The following ADAMTS15 variants were observed in gnomAD, a reference collection of about 807,000 sequenced individuals.
ADAMTS15 encodes ADAM metallopeptidase with thrombospondin type 1 motif 15.
A neutral mutation model predicts 79.1 loss-of-function variants in ADAMTS15; 35 were observed. The observed-to-expected ratio is 0.44, with a 90% CI of 0.34 to 0.59. ADAMTS15 has a LOEUF of 0.59. ADAMTS15 is among the 20% of genes least tolerant of loss of function. ADAMTS15 has a pLI of 0.02. For synonymous variants in ADAMTS15, 616 were observed against 567.3 expected, an observed-to-expected ratio of 1.09 and a Z score of -1.22; for missense variants, 1,324 against 1,318.7, an observed-to-expected ratio of 1.00 and a Z score of -0.06.
In ADAMTS15 at chr11:130,449,265, C is replaced by T. The variant is rs1163050171; in HGVS notation, c.292C>T (p.Leu98=). The T allele has an allele frequency of 6.2e-7, 1 of 1,612,946 alleles. No individual in the cohort carries two copies. The highest frequency in any genetic ancestry group is 8.5e-7 in the Non-Finnish European group (1 of 1,180,028). ...GGGGCTCACCGGGGGCTCTTCAGAC[C>T]TGCGACGCTGCTTCTATTCTGGGGA... ...LQGLTGGSSD[L]RRCFYSGDVN... The change falls in exon 1 of 8, where the codon CTG becomes TTG. Residue 98 remains leucine (L), a synonymous_variant. Coordinates refer to ENST00000299164, the MANE Select transcript of ADAMTS15 (RefSeq NM_139055.4). The surrounding 1 kb of genome is among the most constrained non-coding windows in gnomAD (Gnocchi z 7.8).
chr11:130,471,437 T>A lies in ADAMTS15; in HGVS notation c.2078+54T>A, dbSNP rs1014438235. On this transcript the variant is annotated intron_variant, in intron 7 of 7. Transcript: ENST00000299164. Reference sequence around the variant, plus strand: ...AGGGAGCAAAGGGAGGGAGGTGGAGTTTCCCAGGGTATTGGAAGCTTGGGT... The same window carrying A: ...AGGGAGCAAAGGGAGGGAGGTGGAGATTCCCAGGGTATTGGAAGCTTGGGT... The A allele has an allele frequency of 2.5e-6, 4 of 1,569,588 alleles. No individual in the cohort carries two copies. The African/African-American group carries it at 5.5e-5, about 22-fold the overall frequency.
rs559016276 is a variant in ADAMTS15, at chr11:130,457,147, C to T, written c.958-4342C>T. On this transcript the variant is annotated intron_variant, in intron 1 of 7. Transcript: ENST00000299164. Reference sequence around the variant, plus strand: ...GCTCGGGAGGCTGAGGCACGAGATGCTTGAACCCGGGAGGCAGAGGTTGCA... The same window carrying T: ...GCTCGGGAGGCTGAGGCACGAGATGTTTGAACCCGGGAGGCAGAGGTTGCA... 1.7e-4 allele frequency among the ~76,000 whole-genome samples: 25 copies of T among 151,266 alleles called. 1 individual carries two copies. In the South Asian group the frequency reaches 4.4e-3, roughly 27 times the overall value.
Position 130,462,552 on chromosome 11 carries a change from G to C in ADAMTS15, c.1314G>C (p.Pro438=), listed in dbSNP as rs756475686. ...CCATCTCCCTGCCCGAGGATCTGCC[G>C]GGCGCCAGCTACACCCTGAGCCAGC... The part of the protein sequence containing the change: ...SKPISLPEDL[P]GASYTLSQQC... The change falls in exon 4 of 8, where the codon CCG becomes CCC. Residue 438 remains proline, a synonymous_variant. Transcript: ENST00000299164. This position sits in a 1 kb window ranked among gnomAD's most constrained non-coding sequence, Gnocchi z 4.3. 2 of 1,611,492 alleles carry C rather than the reference G, an allele frequency of 1.2e-6. No homozygotes were observed. Among genetic ancestry groups the C allele is most frequent in the African/African-American group, 2.7e-5 (2 of 75,016 alleles).
chr11:130,467,367 T>G (rs1382607208), intron 4 of ADAMTS15, among the ~76,000 whole-genome samples: 1 of 150,646 alleles, frequency 6.6e-6, no homozygotes, highest in East Asian at 1.9e-4. Context: ...TGTCAGGGAG[T>G]GAAAGGATGG....
rs748948371 is a variant in ADAMTS15 at position 130,473,774 on chromosome 11, C to T, written c.2806C>T (p.His936Tyr). 1 of 1,598,928 alleles carries T rather than the reference C, an allele frequency of 6.3e-7. No homozygotes were observed. Among genetic ancestry groups the T allele is most frequent in the Non-Finnish European group, 8.5e-7 (1 of 1,179,714 alleles). The stretch of plus-strand genomic sequence containing the variant: ...GCTGGCCCGGGACCAGTGCAACTTG[C>T]ACCGCAAGCCCCAGGAGCTGGACTT... ...RLLARDQCNL[H>Y]RKPQELDFCV... Residue 936 changes from histidine to tyrosine, a missense_variant, in exon 8 of 8, where the codon CAC (histidine) becomes TAC (tyrosine). By Grantham distance (83) the His-to-Tyr change is moderately conservative (BLOSUM62 2). Transcript: ENST00000299164.
intron 1 of ADAMTS15, among the ~76,000 whole-genome samples, chr11:130,456,886 A>T (rs145233253): frequency 6.6e-6 from 1 of 152,196 alleles, no homozygotes; most frequent in Non-Finnish European, 1.5e-5. Context: ...TAGAACTTCA[A>T]TGGAAGCAAA....
At position 130,472,857 on chromosome 11, in the gene ADAMTS15, T is replaced by C. The variant is rs1485895196; in HGVS notation, c.2079-190T>C. On this transcript the variant is annotated intron_variant, in intron 7 of 7. Coordinates refer to ENST00000299164, the MANE Select transcript of ADAMTS15 (RefSeq NM_139055.4). This position sits in a 1 kb window ranked among gnomAD's most constrained non-coding sequence, Gnocchi z 4.7. ...CTTTACAGGTGAGGATGTGGAGGCT[T>C]GGAGAAGTTCAGCAGCTTTCCAGCA... 2.0e-5 allele frequency among the ~76,000 whole-genome samples: 3 copies of C among 152,226 alleles called. No individual in the cohort carries two copies. Among genetic ancestry groups the C allele is most frequent in the Non-Finnish European group, 4.4e-5 (3 of 68,038 alleles).
At chr11:130,469,036 C>T (rs1286056894) in intron 4 of ADAMTS15, among the ~76,000 whole-genome samples, 1 of 151,556 alleles carries the variant, frequency 6.6e-6, no homozygotes, top group Non-Finnish European at 1.5e-5. Context: ...GCCTCCTTTG[C>T]ACCTGGGAGC....
In ADAMTS15 at chr11:130,448,908, C is replaced by A. The variant is rs1411657672; in HGVS notation, c.-66C>A. On this transcript the variant is annotated 5_prime_UTR_variant, in exon 1 of 8. Transcript: ENST00000299164. The stretch of plus-strand genomic sequence containing the variant: ...TCCAGAGTGCGGGCTGCACGGAGAC[C>A]GCGGCAGCGGCCGGAGAGCCCGGCC... The A allele has an allele frequency of 1.5e-6, 2 of 1,296,400 alleles. No homozygotes were observed. The highest frequency in any genetic ancestry group is 2.0e-6 in the Non-Finnish European group (2 of 984,164). The allele number at this position is 1,296,400 out of a possible 1,614,324, so 80.3% of individuals were successfully genotyped here. A position where few individuals can be genotyped will look rare whatever the true frequency, so the allele number is the denominator to read the frequency against.
intron 5 of ADAMTS15, among the ~76,000 whole-genome samples, chr11:130,469,878 C>T (rs1035812650): frequency 2.0e-5 from 3 of 151,852 alleles, no homozygotes; most frequent in African/African-American, 4.8e-5. Context: ...TTCTATCTAA[C>T]ATTTAGTATT....
chr11:130,467,782 TA>T (rs55877713), intron 4 of ADAMTS15, among the ~76,000 whole-genome samples: 18,365 of 134,024 alleles, frequency 0.14, 1,100 homozygotes, highest in East Asian at 0.2. Context: ...AAAAAAAACC[TA>T]AAAAAAAAAA....
Position 130,471,086 on chromosome 11 carries a change from T to G in ADAMTS15, c.1887T>G (p.Tyr629Ter). 3 of 1,613,634 alleles carry G rather than the reference T, an allele frequency of 1.9e-6. No individual in the cohort carries two copies. Among genetic ancestry groups the G allele is most frequent in the Non-Finnish European group, 2.5e-6 (3 of 1,179,800 alleles). ...ICRANGTGYF[Y>*]VLAPKVVDGT... ...GAGCCAATGGCACTGGCTACTTCTA[T>G]GTGCTGGCACCCAAGGTGAGTGAGC... Residue 629 changes from tyrosine to a stop codon, truncating the protein, a stop_gained, in exon 6 of 8, where the codon TAT becomes TAG. Coordinates refer to ENST00000299164, the MANE Select transcript of ADAMTS15 (RefSeq NM_139055.4). LOFTEE classifies it high-confidence loss of function.
Position 130,449,800 on chromosome 11 carries a change from A to T in ADAMTS15, c.827A>T (p.Asp276Val). 6.2e-7 allele frequency: 1 copy of T among 1,611,698 alleles called. No individual in the cohort carries two copies. Among genetic ancestry groups the T allele is most frequent in the Non-Finnish European group, 8.5e-7 (1 of 1,180,024 alleles). Residue 276 changes from aspartate (D) to valine (V), a missense_variant, in exon 1 of 8, where the codon GAC becomes GTC. Asp to Val is a radical substitution (Grantham distance 152). Coordinates refer to ENST00000299164, the MANE Select transcript of ADAMTS15 (RefSeq NM_139055.4). This position sits in a 1 kb window ranked among gnomAD's most constrained non-coding sequence, Gnocchi z 7.8. The stretch of plus-strand genomic sequence containing the variant: ...AAGGTGCTGCTTCTTAGAGATCGTG[A>T]CTCCGGGCCCAAGGTCACCGGCAAT... Reference protein sequence around the residue: ...VVKVLLLRDRDSGPKVTGNAA... With the variant: ...VVKVLLLRDRVSGPKVTGNAA...
chr11:130,466,341 A>G (rs11222109), intron 4 of ADAMTS15, among the ~76,000 whole-genome samples: 82,802 of 152,018 alleles, frequency 0.54, 23,195 homozygotes, highest in African/African-American at 0.66. Context: ...CTCCTGACCT[A>G]CAGACTTGCT....
intron 1 of ADAMTS15, among the ~76,000 whole-genome samples, chr11:130,454,803 G>C (rs1329883861): frequency 6.6e-6 from 1 of 152,172 alleles, no homozygotes; most frequent in African/African-American, 2.4e-5. Flanking sequence ...GTCAGCAGAT[G>C]GGGGAGGAAG....
At chr11:130,466,267 C>T (rs1938297944) in intron 4 of ADAMTS15, among the ~76,000 whole-genome samples, 1 of 152,172 alleles carries the variant, frequency 6.6e-6, no homozygotes. Flanking sequence ...TCATCTAGAC[C>T]ATGGCTTTAA....
Position 130,473,850 on chromosome 11 carries a change from C to T in ADAMTS15, c.*29C>T, listed in dbSNP as rs751695565. On this transcript the variant is annotated 3_prime_UTR_variant, in exon 8 of 8. Transcript: ENST00000299164. ...GGGTCATCGCTTTCTCCCCCTCACTCTCCACCCCACTGATATGCCAGCGTT... is the reference window on the plus strand; with the variant it reads ...GGGTCATCGCTTTCTCCCCCTCACTTTCCACCCCACTGATATGCCAGCGTT... 11 of 1,558,798 alleles carry T rather than the reference C, an allele frequency of 7.1e-6. No homozygotes were observed. Among genetic ancestry groups the T allele is most frequent in the Non-Finnish European group, 8.6e-6 (10 of 1,156,714 alleles).
chr11:130,470,153 T>TAC (rs1565397628), intron 5 of ADAMTS15, among the ~76,000 whole-genome samples: 3 of 45,512 alleles, frequency 6.6e-5, no homozygotes, highest in African/African-American at 3.2e-4. Flanking sequence ...TATATATATG[T>TAC]GTATATATAT....
chr11:130,465,520 C>T (rs756823149), intron 4 of ADAMTS15, among the ~76,000 whole-genome samples: 3 of 152,194 alleles, frequency 2.0e-5, no homozygotes, highest in Non-Finnish European at 4.4e-5. Flanking sequence ...TCTCTGACTC[C>T]CTTCACAGCA....
Sources: allele counts gnomAD v4.1 joint callset (sites outside exome capture counted in the v4.1 genomes callset), GRCh38; gene constraint gnomAD v4.1.1; non-coding constraint Gnocchi (gnomAD v3.1); transcripts MANE v1.5; gene names NCBI Gene and HGNC (gene_info 2026-07-23, HGNC 2026-07-21).